The following CYSLTR1 variants were observed in gnomAD, a reference collection of about 807,000 sequenced individuals.
The protein encoded by CYSLTR1 is G-protein coupled receptor HG55.
CYSLTR1 carries 1 observed loss-of-function variant against 2.1 expected under a neutral mutation model. The ratio of observed to expected loss-of-function variants is 0.48; its 90% confidence interval spans 0.17 to 2.28. CYSLTR1 has a LOEUF of 2.28. Among genes scored for constraint, CYSLTR1 ranks in the 30% most tolerant of loss-of-function variants. The pLI is 0.26. For missense variants in CYSLTR1, 299 were observed against 250.1 expected (o/e 1.20, Z -1.32); for synonymous variants, 110 against 89.6 (o/e 1.23, Z -1.28).
Position 78,273,159 on chromosome X carries a change from A to T in CYSLTR1, c.588T>A (p.Val196=). The change falls in exon 3 of 3, where the codon GTT becomes GTA. Residue 196 remains valine (V), a synonymous_variant. Transcript: ENST00000373304. ...TAATAACAAAAGGGATGATAAAGCC[A>T]ACAAACAATGACACATAATGCAAGA... ...VLVLHYVSLF[V]GFIIPFVIII... 1.7e-6 allele frequency: 2 copies of T among 1,210,288 alleles called. No homozygotes were observed. Among genetic ancestry groups the T allele is most frequent in the Non-Finnish European group, 2.2e-6 (2 of 894,571 alleles).
intron 1 of CYSLTR1, among the ~76,000 whole-genome samples, chrX:78,288,536 G>A (rs1013775342): frequency 1.8e-5 from 2 of 109,221 alleles, no homozygotes; most frequent in Non-Finnish European, 3.8e-5. Flanking sequence ...TGTTCTCTGT[G>A]GTCATTCAAT....
chrX:78,314,063 G>A (rs1032599144), intron 1 of CYSLTR1, among the ~76,000 whole-genome samples: 1 of 111,657 alleles, frequency 9.0e-6, no homozygotes, highest in South Asian at 3.8e-4. Flanking sequence ...AAAGACCAAG[G>A]TTAGCTTAAG....
intron 1 of CYSLTR1, chrX:78,320,382 C>A (rs1476421698): frequency 9.0e-6 from 1 of 111,562 alleles, no homozygotes; most frequent in Non-Finnish European, 1.9e-5. Flanking sequence ...TTCCCCATTG[C>A]TTGTTTTTTG....
At chrX:78,313,484 A>T (rs1473273854) in intron 1 of CYSLTR1, among the ~76,000 whole-genome samples, 2 of 112,140 alleles carry the variant, frequency 1.8e-5, no homozygotes, top group African/African-American at 6.5e-5. Context: ...ACCAGAAAAA[A>T]TAAAATTAGC....
chrX:78,307,948 T>C lies in CYSLTR1; in HGVS notation c.-115+19357A>G, dbSNP rs951385257. On this transcript the variant is annotated intron_variant, in intron 1 of 2. Coordinates refer to ENST00000373304, the MANE Select transcript of CYSLTR1 (RefSeq NM_006639.4). ...GTTTATCAGGGATCTTTGGCCTGAGTCCAGGTGAGGTTTCTATGCCAAAGT... is the reference window on the plus strand; with the variant it reads ...GTTTATCAGGGATCTTTGGCCTGAGCCCAGGTGAGGTTTCTATGCCAAAGT... Among the ~76,000 whole-genome samples, 5 of 111,101 alleles carry C rather than the reference T, an allele frequency of 4.5e-5. No homozygotes were observed. The East Asian group carries it at 1.4e-3, about 31-fold the overall frequency.
intron 1 of CYSLTR1, among the ~76,000 whole-genome samples, chrX:78,314,036 A>C (rs1923316791): frequency 8.9e-6 from 1 of 111,877 alleles, no homozygotes; most frequent in Admixed American, 9.5e-5. Flanking sequence ...AAAAATAAGC[A>C]GCACACTTTT....
Position 78,273,518 on chromosome X carries a change from G to C in CYSLTR1, c.229C>G (p.Pro77Ala). Residue 77 changes from proline to alanine, a missense_variant, in exon 3 of 3, where the codon CCT becomes GCT. Physicochemically the swap from Pro to Ala is conservative, Grantham distance 27 (BLOSUM62 -1). Coordinates refer to ENST00000373304, the MANE Select transcript of CYSLTR1 (RefSeq NM_006639.4). ...TGAACATAATAGACCACACGGAGAGGCAGTGTGCACACACAAAGTAGATCT... is the reference window on the plus strand; with the variant it reads ...TGAACATAATAGACCACACGGAGAGCCAGTGTGCACACACAAAGTAGATCT... ...VADLLCVCTL[P>A]LRVVYYVHKG... 8.3e-7 allele frequency: 1 copy of C among 1,211,492 alleles called. No homozygotes were observed. Among genetic ancestry groups the C allele is most frequent in the Non-Finnish European group, 1.1e-6 (1 of 895,365 alleles).
Position 78,310,786 on chromosome X carries a change from G to A in CYSLTR1, c.-115+16519C>T, listed in dbSNP as rs1254636293. On this transcript the variant is annotated intron_variant, in intron 1 of 2. Coordinates refer to ENST00000373304, the MANE Select transcript of CYSLTR1 (RefSeq NM_006639.4). Reference sequence around the variant, plus strand: ...TAGAATGAGCAAGGAATGGAGGTGTGAAGTAGCCTGGCATATTTAAGGAAC... The same window carrying A: ...TAGAATGAGCAAGGAATGGAGGTGTAAAGTAGCCTGGCATATTTAAGGAAC... 8.1e-5 allele frequency among the ~76,000 whole-genome samples: 9 copies of A among 111,241 alleles called. No homozygotes were observed. In the Admixed American group the frequency reaches 8.7e-4, roughly 11 times the overall value.
intron 2 of CYSLTR1, among the ~76,000 whole-genome samples, chrX:78,277,166 G>A (rs1441453367): frequency 2.7e-5 from 3 of 111,259 alleles, no homozygotes; most frequent in Non-Finnish European, 5.7e-5. Context: ...ACTCCTCTAA[G>A]TAGCTTCATC....
chrX:78,286,205 G>A (rs748629140), intron 1 of CYSLTR1, among the ~76,000 whole-genome samples: 164 of 111,230 alleles, frequency 1.5e-3, no homozygotes, highest in African/African-American at 5.1e-3. Context: ...AGTGCTTCGG[G>A]AGGGTGAGAT....
chrX:78,283,827 T>A (rs2149185432), intron 1 of CYSLTR1, among the ~76,000 whole-genome samples: 1 of 112,197 alleles, frequency 8.9e-6, no homozygotes, highest in East Asian at 2.8e-4. Context: ...TTATAAAATA[T>A]TCCTCTCTCT....
At chrX:78,283,904 A>G (rs747233671) in intron 1 of CYSLTR1, among the ~76,000 whole-genome samples, 46 of 111,893 alleles carry the variant, frequency 4.1e-4, no homozygotes, top group Non-Finnish European at 7.3e-4. Context: ...GAGGGGAAGT[A>G]ATTTGGAACT....
intron 1 of CYSLTR1, among the ~76,000 whole-genome samples, chrX:78,296,647 G>T (rs962139624): frequency 3.6e-5 from 4 of 110,524 alleles, no homozygotes; most frequent in Admixed American, 2.9e-4. Context: ...AATTTTATTT[G>T]TGGCTCTTGT....
In CYSLTR1 at chrX:78,294,261, G is replaced by C. The variant is rs761743447; in HGVS notation, c.-114-10721C>G. 2.7e-5 allele frequency among the ~76,000 whole-genome samples: 3 copies of C among 112,610 alleles called. No homozygotes were observed. In the East Asian group the frequency reaches 8.4e-4, roughly 31 times the overall value. ...AGTTTGCTGGAGTTCCACTCCAGAC[G>C]CTGTTTGCCTGGGTATCACCAGTGG... On this transcript the variant is annotated intron_variant, in intron 1 of 2. Coordinates refer to ENST00000373304, the MANE Select transcript of CYSLTR1 (RefSeq NM_006639.4).
chrX:78,273,103 G>A lies in CYSLTR1; in HGVS notation c.644C>T (p.Thr215Ile), dbSNP rs776609177. The change falls in exon 3 of 3, where the codon ACC becomes ATC. Residue 215 changes from threonine (T) to isoleucine (I), a missense_variant. Transcript: ENST00000373304. The part of the protein sequence containing the change: ...IIVCYTMIIL[T>I]LLKKSMKKNL... ...TTTTTTCATTGATTTTTTTAGTAAG[G>A]TCAAAATGATCATTGTGTAACAGAC... 2 of 1,208,288 alleles carry A rather than the reference G, an allele frequency of 1.7e-6. No homozygotes were observed. The highest frequency in any genetic ancestry group is 2.2e-6 in the Non-Finnish European group (2 of 893,547).
At chrX:78,311,403 T>C (rs1229339251) in intron 1 of CYSLTR1, among the ~76,000 whole-genome samples, 2 of 111,383 alleles carry the variant, frequency 1.8e-5, no homozygotes, top group Non-Finnish European at 3.8e-5. Flanking sequence ...TTTCAATTGA[T>C]CTAAAACCGG....
At chrX:78,318,096 T>G (rs1923495472) in intron 1 of CYSLTR1, among the ~76,000 whole-genome samples, 1 of 112,380 alleles carries the variant, frequency 8.9e-6, no homozygotes. Context: ...GTATGTTCAT[T>G]GCAGTACTAT....
intron 1 of CYSLTR1, among the ~76,000 whole-genome samples, chrX:78,325,262 G>A (rs1293231875): frequency 1.8e-5 from 2 of 111,489 alleles, no homozygotes; most frequent in East Asian, 5.6e-4. Flanking sequence ...AGAGTAGGAT[G>A]AGGTTGCTGA....
chrX:78,276,298 T>G (rs1262639677), intron 2 of CYSLTR1, among the ~76,000 whole-genome samples: 1 of 111,851 alleles, frequency 8.9e-6, no homozygotes, highest in Admixed American at 9.5e-5. Context: ...TTATCCTCTT[T>G]TATTCTTTAC....
Sources: gnomAD v4.1 joint callset for allele counts (sites outside exome capture counted in the v4.1 genomes callset) on GRCh38, gnomAD v4.1.1 for gene constraint, MANE v1.5 for transcripts, NCBI Gene and HGNC (gene_info 2026-07-23, HGNC 2026-07-21) for gene names.